The following TUSC3 variants were observed in gnomAD, a reference collection of about 807,000 sequenced individuals.
TUSC3 encodes tumor suppressor candidate 3, also known as dolichyl-diphosphooligosaccharide--protein glycosyltransferase subunit TUSC3.
Under a neutral mutation model 44.8 loss-of-function variants are expected in TUSC3, and 45 were observed. That is an observed-to-expected ratio of 1.00 (90% CI 0.79 to 1.29). TUSC3 has a LOEUF of 1.29. Among genes scored for constraint, TUSC3 ranks in the 50% most tolerant of loss-of-function variants. The pLI, the probability that TUSC3 is intolerant of heterozygous loss-of-function variation, is 0.00. For missense variants in TUSC3, 519 were observed against 437.9 expected, an observed-to-expected ratio of 1.19 and a Z score of -1.65; for synonymous variants, 212 against 152.9, an observed-to-expected ratio of 1.39 and a Z score of -2.85.
At chr8:15,595,126 A>T (rs1370661501) in intron 1 of TUSC3, among the ~76,000 whole-genome samples, 2 of 152,128 alleles carry the variant, frequency 1.3e-5, no homozygotes, top group East Asian at 1.9e-4. Context: ...GTTATTCTCA[A>T]ACTGCAAGTG....
intron 1 of TUSC3, 150 bp downstream of exon 1, chr8:15,540,718 C>T (rs1349265167): frequency 8.8e-7 from 1 of 1,139,036 alleles, no homozygotes; most frequent in Non-Finnish European, 1.2e-6. Context: ...GTGGGAGGCC[C>T]TGGGGCGTTT....
chr8:15,425,137 A>C lies in TUSC3; in HGVS notation n.91+7832A>C, dbSNP rs118038872. 6.5e-3 allele frequency among the ~76,000 whole-genome samples: 985 copies of C among 152,338 alleles called. 2 individuals are homozygous for C. The highest frequency in any genetic ancestry group is 0.017 in the Middle Eastern group (5 of 294). On this transcript the variant is annotated intron_variant and non_coding_transcript_variant, in intron 1 of 5. Transcript: ENST00000503191. ...TAGGCAAAGGAAAAGTGTGATTACA[A>C]TGAAAGGTAATGTCTTGCAAGCAAG...
chr8:15,562,369 C>G (rs1802509478), intron 1 of TUSC3, among the ~76,000 whole-genome samples: 1 of 152,114 alleles, frequency 6.6e-6, no homozygotes. Context: ...ATCTCCTCTC[C>G]CTTAAGATGA....
At chr8:15,751,784 C>G (rs1360230707) in intron 9 of TUSC3, among the ~76,000 whole-genome samples, 4 of 152,104 alleles carry the variant, frequency 2.6e-5, no homozygotes, top group African/African-American at 9.7e-5. Context: ...ATCTTTGATC[C>G]TAAGAGATCG....
the TUSC3 span, among the ~76,000 whole-genome samples, chr8:15,793,216 A>G: frequency 4.0e-5 from 6 of 151,792 alleles, no homozygotes; most frequent in Non-Finnish European, 5.9e-5. Flanking sequence ...AGTCAATCCA[A>G]TCATCCATCA....
chr8:15,547,903 C>T (rs949864144), intron 1 of TUSC3, among the ~76,000 whole-genome samples: 5 of 151,730 alleles, frequency 3.3e-5, no homozygotes, highest in Non-Finnish European at 5.9e-5. Flanking sequence ...GATTAACCAA[C>T]ATTTTCATAA....
At chr8:15,495,929 G>C (rs1056037540) in intron 2 of TUSC3, among the ~76,000 whole-genome samples, 2 of 152,004 alleles carry the variant, frequency 1.3e-5, no homozygotes, top group South Asian at 4.1e-4. Context: ...TAAATTTGCA[G>C]GCCCCTACCT....
chr8:15,506,801 G>A (rs1475242306), intron 2 of TUSC3, among the ~76,000 whole-genome samples: 1 of 152,122 alleles, frequency 6.6e-6, no homozygotes, highest in Non-Finnish European at 1.5e-5. Context: ...AGATTTCGGT[G>A]GGTCAAACCA....
At chr8:15,571,917 C>T (rs142333404) in intron 1 of TUSC3, among the ~76,000 whole-genome samples, 12 of 152,116 alleles carry the variant, frequency 7.9e-5, no homozygotes, top group Admixed American at 7.2e-4. Context: ...ATTCAGTAAA[C>T]TGTGCTTTAA....
intron 6 of TUSC3, among the ~76,000 whole-genome samples, chr8:15,710,521 C>G (rs1248440660): frequency 6.6e-6 from 1 of 151,592 alleles, no homozygotes; most frequent in South Asian, 2.1e-4. Flanking sequence ...GCCACAAATT[C>G]CTATGGCAGG....
intron 6 of TUSC3, among the ~76,000 whole-genome samples, chr8:15,720,199 T>TACAC (rs1278052451): frequency 9.1e-3 from 917 of 100,814 alleles, no homozygotes; most frequent in Non-Finnish European, 0.012. Context: ...TGTATATATA[T>TACAC]ATACACACAC....
At chr8:15,626,942 A>T (rs1805536986) in intron 2 of TUSC3, among the ~76,000 whole-genome samples, 2 of 149,990 alleles carry the variant, frequency 1.3e-5, no homozygotes, top group Non-Finnish European at 3.0e-5. Flanking sequence ...AAGGGTCCTG[A>T]TGAAACCCCA....
intron 1 of TUSC3, among the ~76,000 whole-genome samples, chr8:15,454,648 G>A (rs1056910891): frequency 1.1e-4 from 17 of 152,176 alleles, no homozygotes; most frequent in Middle Eastern, 3.4e-3. Context: ...TGTGAAATCC[G>A]TCAAATATTA....
intron 2 of TUSC3, among the ~76,000 whole-genome samples, chr8:15,531,453 C>T (rs1367662363): frequency 2.0e-5 from 3 of 152,024 alleles, no homozygotes; most frequent in African/African-American, 4.8e-5. Flanking sequence ...GGTTTCGCCA[C>T]GTTGGCCAGG....
intron 1 of TUSC3, among the ~76,000 whole-genome samples, chr8:15,475,438 A>G (rs1800561903): frequency 6.6e-6 from 1 of 152,154 alleles, no homozygotes; most frequent in Non-Finnish European, 1.5e-5. Context: ...AATTATTACC[A>G]GTATTATTCT....
intron 2 of TUSC3, among the ~76,000 whole-genome samples, chr8:15,506,555 G>T (rs1359367821): frequency 6.6e-6 from 1 of 152,176 alleles, no homozygotes; most frequent in Non-Finnish European, 1.5e-5. Context: ...GTTCCACATG[G>T]CTGGGGAGGC....
chr8:15,430,591 C>G (rs1426085649), intron 1 of TUSC3, among the ~76,000 whole-genome samples: 1 of 151,378 alleles, frequency 6.6e-6, no homozygotes, highest in Non-Finnish European at 1.5e-5. Flanking sequence ...CCCTCTCTCA[C>G]CACTCCTATT....
chr8:15,663,158 T>G (rs1245119215), intron 5 of TUSC3, among the ~76,000 whole-genome samples: 1 of 151,752 alleles, frequency 6.6e-6, no homozygotes, highest in Non-Finnish European at 1.5e-5. Context: ...AGGGAAAATA[T>G]AAGGTACTTA....
the TUSC3 span, among the ~76,000 whole-genome samples, chr8:15,843,729 GTT>G: frequency 1.3e-5 from 2 of 151,768 alleles, no homozygotes; most frequent in Non-Finnish European, 2.9e-5. Flanking sequence ...GTATGTGTGT[GTT>G]TGTGTATGAT....
Sources: gnomAD v4.1 joint callset for allele counts (sites outside exome capture counted in the v4.1 genomes callset) on GRCh38, gnomAD v4.1.1 for gene constraint, MANE v1.5 for transcripts, NCBI Gene and HGNC (gene_info 2026-07-23, HGNC 2026-07-21) for gene names.